The following DHX8 variants were observed in gnomAD, a reference collection of about 807,000 sequenced individuals.
DHX8 encodes DEAH-box helicase 8, also known as ATP-dependent RNA helicase DHX8.
Under a neutral mutation model 140.7 loss-of-function variants are expected in DHX8, and 67 were observed. The observed-to-expected ratio is 0.48, with a 90% CI of 0.39 to 0.58. The LOEUF (loss-of-function observed/expected upper bound fraction) is 0.58. Among genes scored for constraint, DHX8 ranks in the 20% least tolerant of loss-of-function variants. The probability of loss-of-function intolerance (pLI) is 0.00; values close to 1 mark genes in which losing one functional copy is unlikely to be tolerated. For missense variants in DHX8, 887 were observed against 1,550.7 expected (o/e 0.57, Z 7.19); for synonymous variants, 533 against 553.2 (o/e 0.96, Z 0.51).
downstream of DHX8, chr17:43,529,858 C>T (rs1200133092): frequency 1.9e-6 from 3 of 1,612,812 alleles, no homozygotes; most frequent in Non-Finnish European, 2.5e-6. Context: ...GACCTTGACC[C>T]TCCCATCAAC....
chr17:43,494,852 C>T lies in DHX8; in HGVS notation c.1212+966C>T, dbSNP rs1467156643. On this transcript the variant is annotated intron_variant, in intron 8 of 22. Transcript: ENST00000262415. ...ATTGAGACGGAGTCTCGCTCTGTCA[C>T]CCAGGCTGGAGTACAGTGGTGCGAT... Among the ~76,000 whole-genome samples, 7 of 150,142 alleles carry T rather than the reference C, an allele frequency of 4.7e-5. No homozygotes were observed. The East Asian group carries it at 7.9e-4, about 17-fold the overall frequency.
At chr17:43,517,436 A>C in intron 18 of DHX8, 114 bp downstream of exon 18, 1 of 1,222,930 alleles carries the variant, frequency 8.2e-7, no homozygotes, top group Non-Finnish European at 1.1e-6. Context: ...TCATGAAAGC[A>C]GTCCCTTTGA....
At chr17:43,508,589 A>T in intron 16 of DHX8, 69 bp downstream of exon 16, 5 of 1,031,680 alleles carry the variant, frequency 4.8e-6, no homozygotes, top group Non-Finnish European at 7.2e-6. Flanking sequence ...TGTCAGCCAT[A>T]GTAGGGATTG....
intron 18 of DHX8, chr17:43,519,523 T>TG (rs1555554527): frequency 0.012 from 2 of 170 alleles, no homozygotes; most frequent in African/African-American, 0.029. Context: ...GGGTTTTTTG[T>TG]TTTTTTTTTT....
chr17:43,515,511 T>C (rs1970062996), intron 17 of DHX8, among the ~76,000 whole-genome samples: 1 of 152,190 alleles, frequency 6.6e-6, no homozygotes, highest in Admixed American at 6.5e-5. Flanking sequence ...ACTTACAGTG[T>C]ACTTAACGTC....
At chr17:43,533,169 G>T in intron 2 of DHX8, 1 of 1,612,886 alleles carries the variant, frequency 6.2e-7, no homozygotes, top group Non-Finnish European at 8.5e-7. Flanking sequence ...TGAGCAGTGG[G>T]TTTCCCTGTC....
At chr17:43,534,356 TG>T (rs1971121458) in intron 2 of DHX8, among the ~76,000 whole-genome samples, 1 of 151,186 alleles carries the variant, frequency 6.6e-6, no homozygotes, top group Non-Finnish European at 1.5e-5. Flanking sequence ...TAGCCGGGGA[TG>T]GTGGCGGATG....
chr17:43,495,777 T>G (rs919308569), intron 8 of DHX8, among the ~76,000 whole-genome samples: 6 of 152,152 alleles, frequency 3.9e-5, no homozygotes, highest in Non-Finnish European at 7.3e-5. Flanking sequence ...GTTTCCTACA[T>G]GAAACCTCTG....
rs759578260 is a variant in DHX8 at position 43,484,002 on chromosome 17, G to A, written c.-36G>A. 9 of 1,612,136 alleles carry A rather than the reference G, an allele frequency of 5.6e-6. No homozygotes were observed. The highest frequency in any genetic ancestry group is 6.8e-6 in the Non-Finnish European group (8 of 1,178,806). On this transcript the variant is annotated 5_prime_UTR_variant, in exon 1 of 23. Coordinates refer to ENST00000262415, the MANE Select transcript of DHX8 (RefSeq NM_004941.3). ...CCCGGCCGGAGTAGCTCTGAGCGCCGGCTGTGAGGAAGGAGGTTCTGGGCA... is the reference window on the plus strand; with the variant it reads ...CCCGGCCGGAGTAGCTCTGAGCGCCAGCTGTGAGGAAGGAGGTTCTGGGCA...
downstream of DHX8, chr17:43,529,678 T>TTCAAATTTCTCA: frequency 6.2e-7 from 1 of 1,605,720 alleles, no homozygotes; most frequent in African/African-American, 1.3e-5. Flanking sequence ...TGATGTCTCC[T>TTCAAATTTCTCA]GGGGAACACG....
Position 43,524,770 on chromosome 17 carries a change from A to C in DHX8, c.*923A>C. 1.0e-6 allele frequency: 1 copy of C among 985,392 alleles called. No homozygotes were observed. The highest frequency in any genetic ancestry group is 1.2e-6 in the Non-Finnish European group (1 of 829,922). 61.0% of individuals were successfully genotyped at this position (985,392 alleles called of 1,614,324 possible). ...CCTGAGGTCCTGGATGGACTTTAACAAAGGGATTTTATGGTCAAAACCTCC... is the reference window on the plus strand; with the variant it reads ...CCTGAGGTCCTGGATGGACTTTAACCAAGGGATTTTATGGTCAAAACCTCC... On this transcript the variant is annotated 3_prime_UTR_variant, in exon 23 of 23. Transcript: ENST00000262415.
At chr17:43,496,157 T>C (rs775750839) in intron 8 of DHX8, 24 bp from the exon 9 acceptor site, 24 of 1,593,120 alleles carry the variant, frequency 1.5e-5, no homozygotes, top group Admixed American at 3.4e-5. Context: ...AGGTTACAAA[T>C]GCTGCCTTCT....
At chr17:43,536,426 G>A (rs748834394) in exon 3 of DHX8, 14 of 1,613,882 alleles carry the variant, frequency 8.7e-6, no homozygotes, top group East Asian at 4.5e-5. Context: ...CTCTACTCAC[G>A]GTTTTCTGAA....
At chr17:43,488,138 C>T (rs1364190794) in intron 1 of DHX8, among the ~76,000 whole-genome samples, 1 of 152,010 alleles carries the variant, frequency 6.6e-6, no homozygotes, top group African/African-American at 2.4e-5. Flanking sequence ...ATTAGCCGGT[C>T]ATGGTGGCAT....
Position 43,523,988 on chromosome 17 carries a change from C to T in DHX8, c.*141C>T. Reference sequence around the variant, plus strand: ...TTTCTCAACTCGACTCTCATTTCTTCCCTGCTGGTAAAATAGAAACAGGGA... The same window carrying T: ...TTTCTCAACTCGACTCTCATTTCTTTCCTGCTGGTAAAATAGAAACAGGGA... On this transcript the variant is annotated 3_prime_UTR_variant, in exon 23 of 23. Transcript: ENST00000262415. 6.9e-7 allele frequency: 1 copy of T among 1,451,496 alleles called. No homozygotes were observed. 89.9% of individuals were successfully genotyped at this position (1,451,496 alleles called of 1,614,324 possible). A position where few individuals can be genotyped will look rare whatever the true frequency, so the allele number is the denominator to read the frequency against.
At chr17:43,490,497 G>C (rs1256364674) in intron 3 of DHX8, 34 bp downstream of exon 3, 1 of 1,554,630 alleles carries the variant, frequency 6.4e-7, no homozygotes, top group South Asian at 1.1e-5. Context: ...TTAGCTTCTA[G>C]AATGGTGTAG....
At position 43,484,083 on chromosome 17, in the gene DHX8, C is replaced by T. The variant is rs763931275; in HGVS notation, c.46C>T (p.Pro16Ser). The T allele has an allele frequency of 1.9e-6, 3 of 1,614,032 alleles. No homozygotes were observed. The highest frequency in any genetic ancestry group is 1.6e-4 in the Middle Eastern group (1 of 6,084). The change falls in exon 1 of 23, where the codon CCA becomes TCA. Residue 16 changes from proline to serine, a missense_variant. By Grantham distance (74) the Pro-to-Ser change is moderately conservative (BLOSUM62 -1). Around this residue, in one of 9 missense-constraint regions of DHX8, gnomAD observed 32 missense variants for 25.1 expected, o/e 1.28. Transcript: ENST00000262415. ...GGCGGGAGCCTTAATCGGGTCGGAG[C>T]CAGGCCCCGCGGAAGAACTTGCCAA... ...AMAGALIGSEPGPAEELAKLE... is the reference protein window; with the variant it reads ...AMAGALIGSESGPAEELAKLE...
chr17:43,499,078 G>T (rs1969037357), intron 10 of DHX8, 119 bp downstream of exon 10: 1 of 697,932 alleles, frequency 1.4e-6, no homozygotes. Flanking sequence ...ATTACTGGCT[G>T]TTAGCCAGGG....
At chr17:43,496,349 T>C in intron 9 of DHX8, 81 bp downstream of exon 9, 1 of 926,122 alleles carries the variant, frequency 1.1e-6, no homozygotes, top group Non-Finnish European at 1.7e-6. Flanking sequence ...TTTAACCCAG[T>C]GGCTATTAAT....
Sources: gnomAD v4.1 joint callset for allele counts (sites outside exome capture counted in the v4.1 genomes callset) on GRCh38, gnomAD v4.1.1 for gene constraint, gnomAD v4.1.1 regional missense constraint, MANE v1.5 for transcripts, NCBI Gene and HGNC (gene_info 2026-07-23, HGNC 2026-07-21) for gene names.